LCORL: variants seen among roughly 807,000 people sequenced by gnomAD.
LCORL encodes the protein ligand dependent nuclear receptor corepressor like.
In LCORL, 41 loss-of-function variants were observed where a neutral mutation model predicts 141.8. The observed-to-expected ratio is 0.29, with a 90% CI of 0.23 to 0.38. LCORL has a LOEUF of 0.38. LCORL is among the 10% of genes least tolerant of loss of function. The probability of loss-of-function intolerance (pLI) is 1.00; values close to 1 mark genes in which losing one functional copy is unlikely to be tolerated. For missense variants in LCORL, 1,759 were observed against 2,035.0 expected, an observed-to-expected ratio of 0.86 and a Z score of 2.61; for synonymous variants, 618 against 694.1, an observed-to-expected ratio of 0.89 and a Z score of 1.72.
Position 17,931,731 on chromosome 4 carries a change from A to T in LCORL, c.431-22386T>A, listed in dbSNP as rs531056601. Among the ~76,000 whole-genome samples the T allele has an allele frequency of 2.9e-3, 445 of 152,202 alleles. 1 individual carries two copies. The highest frequency in any genetic ancestry group is 0.015 in the South Asian group (72 of 4,822). ...TTTCTTTTTGACTTAATATATAAAAATTTTTTGTGAATGTTCCATGTATAC... is the reference window on the plus strand; with the variant it reads ...TTTCTTTTTGACTTAATATATAAAATTTTTTTGTGAATGTTCCATGTATAC... On this transcript the variant is annotated intron_variant, in intron 4 of 7. Coordinates refer to ENST00000635767, the Ensembl canonical transcript of LCORL.
intron 7 of LCORL, among the ~76,000 whole-genome samples, chr4:17,846,298 A>G (rs1277713890): frequency 2.0e-5 from 3 of 152,286 alleles, no homozygotes; most frequent in South Asian, 2.1e-4. Context: ...CGTTCTAGCC[A>G]CCTTCACATG....
intron 1 of LCORL, among the ~76,000 whole-genome samples, chr4:18,012,240 G>A (rs960305992): frequency 3.9e-5 from 6 of 152,092 alleles, no homozygotes; most frequent in African/African-American, 7.2e-5. Context: ...TTTCATTCAC[G>A]GCCAAGCCTC....
At chr4:17,973,634 T>A (rs1192430757) in intron 1 of LCORL, among the ~76,000 whole-genome samples, 1 of 151,574 alleles carries the variant, frequency 6.6e-6, no homozygotes, top group Non-Finnish European at 1.5e-5. Context: ...GAAAAGGAAA[T>A]AATGTAAGCC....
intron 4 of LCORL, among the ~76,000 whole-genome samples, chr4:17,919,432 A>G (rs2109365423): frequency 6.6e-6 from 1 of 152,296 alleles, no homozygotes; most frequent in East Asian, 1.9e-4. Flanking sequence ...AGAAAGCAAA[A>G]CTATCAAATA....
chr4:17,990,150 G>C lies in LCORL; in HGVS notation c.155-17265C>G, dbSNP rs923011221. ...GTCTCGCTCTGTCACCCAGGCTGGA[G>C]TGCAGTGGCACGATCTCGGCTCACT... On this transcript the variant is annotated intron_variant, in intron 1 of 7. Coordinates refer to ENST00000635767, the Ensembl canonical transcript of LCORL. Among the ~76,000 whole-genome samples, 4 of 146,238 alleles carry C rather than the reference G, an allele frequency of 2.7e-5. 1 individual carries two copies. In the South Asian group the frequency reaches 8.6e-4, roughly 32 times the overall value.
intron 4 of LCORL, among the ~76,000 whole-genome samples, chr4:17,957,343 G>T (rs775410663): frequency 3.3e-5 from 5 of 151,956 alleles, no homozygotes; most frequent in Non-Finnish European, 7.4e-5. Flanking sequence ...AAAAACAATA[G>T]CAAGTGAGAA....
chr4:17,925,085 G>T (rs765146190), intron 4 of LCORL, among the ~76,000 whole-genome samples: 2 of 152,172 alleles, frequency 1.3e-5, no homozygotes, highest in Admixed American at 6.5e-5. Context: ...TCCAGAGGGA[G>T]GAATGCTGCC....
At chr4:17,913,828 A>T (rs758300689) in intron 4 of LCORL, among the ~76,000 whole-genome samples, 15 of 152,252 alleles carry the variant, frequency 9.9e-5, no homozygotes, top group Non-Finnish European at 2.2e-4. Context: ...ACGTAAAAAA[A>T]ATTGCATTGA....
At chr4:17,954,833 A>C (rs1258260258) in intron 4 of LCORL, among the ~76,000 whole-genome samples, 1 of 152,216 alleles carries the variant, frequency 6.6e-6, no homozygotes, top group African/African-American at 2.4e-5. Context: ...CCTTTCACAA[A>C]GATGGAAAAA....
chr4:17,860,683 T>C (rs952441433), intron 7 of LCORL, among the ~76,000 whole-genome samples: 6 of 152,184 alleles, frequency 3.9e-5, no homozygotes, highest in African/African-American at 1.4e-4. Flanking sequence ...CAAAGTCTCA[T>C]CTGAGACAAG....
At chr4:17,924,567 G>A (rs1262638618) in intron 4 of LCORL, among the ~76,000 whole-genome samples, 1 of 152,156 alleles carries the variant, frequency 6.6e-6, no homozygotes, top group Non-Finnish European at 1.5e-5. Context: ...TGTCCTCACT[G>A]GAATAGACAC....
chr4:17,874,584 A>G (rs1346163559), exon 7 of LCORL: 10 of 1,233,596 alleles, frequency 8.1e-6, no homozygotes, highest in African/African-American at 6.2e-5. Flanking sequence ...ATCATTTTCA[A>G]TGTGTTCTCT....
chr4:17,966,466 A>G (rs1413903252), intron 2 of LCORL, among the ~76,000 whole-genome samples: 4 of 152,164 alleles, frequency 2.6e-5, no homozygotes, highest in Non-Finnish European at 5.9e-5. Flanking sequence ...GGTAAGATAG[A>G]TAACCTCAAC....
exon 7 of LCORL, chr4:17,875,734 G>T: frequency 8.1e-7 from 1 of 1,231,146 alleles, no homozygotes; most frequent in South Asian, 4.1e-5. Context: ...ACAACTTGGG[G>T]ACCTATTTTT....
At chr4:17,899,993 CT>C (rs1389840008) in intron 5 of LCORL, among the ~76,000 whole-genome samples, 6 of 152,110 alleles carry the variant, frequency 3.9e-5, no homozygotes, top group Admixed American at 2.6e-4. Context: ...ATCTGAAACA[CT>C]TCTGGTCCCA....
At chr4:17,908,112 A>T (rs1731947812) in intron 5 of LCORL, among the ~76,000 whole-genome samples, 1 of 151,890 alleles carries the variant, frequency 6.6e-6, no homozygotes, top group Non-Finnish European at 1.5e-5. Flanking sequence ...GGCTCACGGC[A>T]ACCTCTGCCT....
chr4:17,908,998 C>A, intron 5 of LCORL, 96 bp downstream of exon 5: 1 of 1,142,056 alleles, frequency 8.8e-7, no homozygotes. Context: ...ATATTACATC[C>A]AAAATAAATT....
intron 5 of LCORL, among the ~76,000 whole-genome samples, chr4:17,904,652 CT>C (rs1456279771): frequency 1.3e-5 from 2 of 152,098 alleles, no homozygotes; most frequent in Admixed American, 1.3e-4. Flanking sequence ...AATACAGTAT[CT>C]TTCCCCGTGA....
At chr4:17,862,800 A>G (rs1725159385) in intron 7 of LCORL, among the ~76,000 whole-genome samples, 1 of 152,218 alleles carries the variant, frequency 6.6e-6, no homozygotes, top group Non-Finnish European at 1.5e-5. Flanking sequence ...ATACCATTCT[A>G]GACACAGGCC....
Sources: gnomAD v4.1 joint callset for allele counts (sites outside exome capture counted in the v4.1 genomes callset) on GRCh38, gnomAD v4.1.1 for gene constraint, MANE v1.5 for transcripts, NCBI Gene and HGNC (gene_info 2026-07-23, HGNC 2026-07-21) for gene names.